The following NSD3 variants were observed in gnomAD, a reference collection of about 807,000 sequenced individuals.
NSD3 encodes nuclear receptor binding SET domain protein 3, also known as histone-lysine N-methyltransferase NSD3.
A neutral mutation model predicts 160.8 loss-of-function variants in NSD3; 24 were observed. The ratio of observed to expected loss-of-function variants is 0.15; its 90% CI spans 0.11 to 0.21. NSD3 has a LOEUF of 0.21. NSD3 is among the 10% of genes least tolerant of loss of function. The pLI is 1.00. For synonymous variants in NSD3, 520 were observed against 600.0 expected, an observed-to-expected ratio of 0.87 and a Z score of 1.95; for missense variants, 1,157 against 1,735.9, an observed-to-expected ratio of 0.67 and a Z score of 5.93.
chr8:38,348,342 A>T, intron 1 of NSD3, 127 bp from the exon 2 acceptor site: 4 of 613,538 alleles, frequency 6.5e-6, no homozygotes, highest in Non-Finnish European at 7.9e-6. Flanking sequence ...CATAGACATT[A>T]AATATTTCTA....
At position 38,271,329 on chromosome 8, in the gene NSD3, A is replaced by G. The variant is rs1808469457; in HGVS notation, c.*4312T>C. ...AATCTGAAGAGTTTCAAGTACTTAAAAAACCTGAATTCAATGAGGCAGAGG... is the reference window on the plus strand; with the variant it reads ...AATCTGAAGAGTTTCAAGTACTTAAGAAACCTGAATTCAATGAGGCAGAGG... On this transcript the variant is annotated 3_prime_UTR_variant, in exon 24 of 24. Transcript: ENST00000317025. 1 of 152,180 alleles carries G rather than the reference A, an allele frequency of 6.6e-6. No homozygotes were observed. Among genetic ancestry groups the G allele is most frequent in the Non-Finnish European group, 1.5e-5 (1 of 68,014 alleles). The allele number at this position is 152,180 out of a possible 1,614,324, so 9.4% of individuals were successfully genotyped here.
At chr8:38,322,220 C>T (rs1024358560) in intron 7 of NSD3, among the ~76,000 whole-genome samples, 2 of 152,238 alleles carry the variant, frequency 1.3e-5, no homozygotes, top group African/African-American at 4.8e-5. Flanking sequence ...TAGTTCAAAG[C>T]CAAAATGAAG....
chr8:38,377,886 C>T (rs754321443), intron 1 of NSD3, among the ~76,000 whole-genome samples: 33 of 151,904 alleles, frequency 2.2e-4, no homozygotes, highest in Non-Finnish European at 3.8e-4. Flanking sequence ...GAGCCACGAT[C>T]GCGCCACTGC....
At chr8:38,369,246 T>A (rs948951216) in intron 1 of NSD3, among the ~76,000 whole-genome samples, 1 of 152,198 alleles carries the variant, frequency 6.6e-6, no homozygotes, top group African/African-American at 2.4e-5. Flanking sequence ...ATTCAGAATT[T>A]CATACTATAT....
At chr8:38,290,256 G>C (rs768035086) in intron 17 of NSD3, among the ~76,000 whole-genome samples, 20 of 151,594 alleles carry the variant, frequency 1.3e-4, no homozygotes, top group Middle Eastern at 6.8e-3. Context: ...TGTGTTTATA[G>C]AAAGACACTG....
chr8:38,323,858 AGAG>A (rs1303719924), intron 7 of NSD3, among the ~76,000 whole-genome samples: 1 of 151,422 alleles, frequency 6.6e-6, no homozygotes, highest in East Asian at 1.9e-4. Context: ...AGTAACTTTC[AGAG>A]GAGAAAGAAA....
chr8:38,309,727 G>T (rs1297794845), intron 12 of NSD3, among the ~76,000 whole-genome samples: 1 of 152,200 alleles, frequency 6.6e-6, no homozygotes, highest in Non-Finnish European at 1.5e-5. Flanking sequence ...ATCTGTTACA[G>T]AACTCTTTTT....
At position 38,378,718 on chromosome 8, in the gene NSD3, G is replaced by C. The variant is rs551483817; in HGVS notation, c.-45+3081C>G. 6.2e-4 allele frequency among the ~76,000 whole-genome samples: 94 copies of C among 151,740 alleles called. 1 individual carries two copies. The South Asian group carries it at 0.019, about 31-fold the overall frequency. On this transcript the variant is annotated intron_variant, in intron 1 of 23. Transcript: ENST00000317025. The stretch of plus-strand genomic sequence containing the variant: ...TGTGCCTGTAATCCCAGCTACTCGG[G>C]AGGCTAAGGCACGAGAATCACTTGA...
At chr8:38,350,184 C>T (rs559351773) in intron 1 of NSD3, among the ~76,000 whole-genome samples, 1 of 152,252 alleles carries the variant, frequency 6.6e-6, no homozygotes, top group South Asian at 2.1e-4. Context: ...CATTTATATT[C>T]CTTTGGGTAT....
chr8:38,315,918 G>A lies in NSD3; in HGVS notation c.1980C>T (p.Asp660=), dbSNP rs368873498. 4.3e-6 allele frequency: 7 copies of A among 1,613,530 alleles called. No individual in the cohort carries two copies. The highest frequency in any genetic ancestry group is 4.0e-5 in the African/African-American group (3 of 74,870). ...TSDSDSRGLS[D]LQVGFGKQVD... is the part of the protein sequence containing the mutation. Reference sequence around the variant, plus strand: ...GACCCTTGCACATATTTACCTGCAGGTCACTCAGTCCTCTAGAATCGGAGT... The same window carrying A: ...GACCCTTGCACATATTTACCTGCAGATCACTCAGTCCTCTAGAATCGGAGT... The change falls in exon 10 of 24, where the codon GAC becomes GAT. Residue 660 remains aspartate (D), a synonymous_variant. Coordinates refer to ENST00000317025, the MANE Select transcript of NSD3 (RefSeq NM_023034.2).
At chr8:38,337,026 C>A (rs1283408766) in intron 4 of NSD3, among the ~76,000 whole-genome samples, 7 of 151,708 alleles carry the variant, frequency 4.6e-5, no homozygotes, top group Admixed American at 2.6e-4. Flanking sequence ...CCTGTAATCC[C>A]AGCTACTCCA....
Position 38,321,274 on chromosome 8 carries a change from C to A in NSD3, c.1709-102G>T. ...CATTCCTTGCTTTTCTTACCCATTACTTTTGGAATTTTAATTAAAATCATT... is the reference window on the plus strand; with the variant it reads ...CATTCCTTGCTTTTCTTACCCATTAATTTTGGAATTTTAATTAAAATCATT... On this transcript the variant is annotated intron_variant, in intron 7 of 23. Transcript: ENST00000317025. This position sits in a 1 kb window ranked among gnomAD's most constrained non-coding sequence, Gnocchi z 4.7. 2.3e-6 allele frequency: 2 copies of A among 880,466 alleles called. No homozygotes were observed. Among genetic ancestry groups the A allele is most frequent in the South Asian group, 1.9e-5 (1 of 52,204 alleles). The allele number at this position is 880,466 out of a possible 1,614,324, so 54.5% of individuals were successfully genotyped here.
At chr8:38,301,626 T>C (rs1809278959) in intron 14 of NSD3, among the ~76,000 whole-genome samples, 1 of 152,180 alleles carries the variant, frequency 6.6e-6, no homozygotes, top group Non-Finnish European at 1.5e-5. Flanking sequence ...GTACATTTAA[T>C]AGAGGGAGAT....
intron 5 of NSD3, among the ~76,000 whole-genome samples, chr8:38,330,303 CAG>C (rs1810026665): frequency 6.6e-6 from 1 of 152,132 alleles, no homozygotes; most frequent in Non-Finnish European, 1.5e-5. Flanking sequence ...GAGGGCAAGT[CAG>C]GGGTGCTACA....
Position 38,278,444 on chromosome 8 carries a change from C to T in NSD3, c.3761-32G>A, listed in dbSNP as rs760236746. ...CACAGGAGAAATAATTATTCAAACT[C>T]GAGTCATGGGGAAGAGAAAAGCTCT... On this transcript the variant is annotated intron_variant, in intron 21 of 23. Coordinates refer to ENST00000317025, the MANE Select transcript of NSD3 (RefSeq NM_023034.2). The T allele has an allele frequency of 1.5e-5, 23 of 1,560,080 alleles. No individual in the cohort carries two copies. The Admixed American group carries it at 2.6e-4, about 18-fold the overall frequency.
chr8:38,334,118 TTTGGTTTTCAGAAAAA>T (rs1172005940), intron 4 of NSD3, among the ~76,000 whole-genome samples: 2 of 152,246 alleles, frequency 1.3e-5, no homozygotes, highest in Admixed American at 6.5e-5. Flanking sequence ...GCTGTGTTTT[TTTGGTTTTCAGAAAAA>T]CTGTCAGAAA....
intron 2 of NSD3, 133 bp from the exon 3 acceptor site, chr8:38,338,740 T>C (rs1810286099): frequency 1.4e-6 from 1 of 705,712 alleles, no homozygotes; most frequent in South Asian, 1.7e-5. Context: ...AACTGAACAA[T>C]GTAAGGAGTA....
rs1026828432 is a variant in NSD3, at chr8:38,295,737, G to A, written c.2915+59C>T. The A allele has an allele frequency of 5.2e-6, 8 of 1,533,712 alleles. No individual in the cohort carries two copies. In the Admixed American group the frequency reaches 7.2e-5, roughly 14 times the overall value. The stretch of plus-strand genomic sequence containing the variant: ...ATCTCCAAGTCACTCTGTATCCAGA[G>A]TATGAAACTGGTCTGCACAATGATT... On this transcript the variant is annotated intron_variant, in intron 16 of 23. Coordinates refer to ENST00000317025, the MANE Select transcript of NSD3 (RefSeq NM_023034.2).
At chr8:38,372,178 ATT>A (rs902149673) in intron 1 of NSD3, among the ~76,000 whole-genome samples, 1 of 152,230 alleles carries the variant, frequency 6.6e-6, no homozygotes, top group African/African-American at 2.4e-5. Flanking sequence ...ACAAATCGAC[ATT>A]TTCTAAGTAA....
Sources: gnomAD v4.1 joint callset for allele counts (sites outside exome capture counted in the v4.1 genomes callset) on GRCh38, gnomAD v4.1.1 for gene constraint, Gnocchi (gnomAD v3.1) non-coding constraint, MANE v1.5 for transcripts, NCBI Gene and HGNC (gene_info 2026-07-23, HGNC 2026-07-21) for gene names.